CELF2: variants seen among roughly 807,000 people sequenced by gnomAD.
CELF2 encodes CUGBP Elav-like family member 2, also known as CUG triplet repeat RNA-binding protein 2.
In CELF2, 8 loss-of-function variants were observed where a neutral mutation model predicts 62.6. The observed-to-expected ratio is 0.13, with a 90% CI of 0.07 to 0.23. The LOEUF (loss-of-function observed/expected upper bound fraction) is 0.23. CELF2 is among the 10% of genes least tolerant of loss of function. The pLI, the probability that CELF2 is intolerant of heterozygous loss-of-function variation, is 1.00. For missense variants in CELF2, 333 were observed against 671.0 expected (o/e 0.50, Z 5.56); for synonymous variants, 258 against 250.0 (o/e 1.03, Z -0.30).
chr10:10,699,573 A>T, the CELF2 span, among the ~76,000 whole-genome samples: 1 of 152,252 alleles, frequency 6.6e-6, no homozygotes, highest in Non-Finnish European at 1.5e-5. Flanking sequence ...ATTTGCAGTT[A>T]TCTAGGTAGA....
chr10:10,638,384 TTCAC>T, the CELF2 span, among the ~76,000 whole-genome samples: 67,507 of 151,644 alleles, frequency 0.45, 15,466 homozygotes, highest in South Asian at 0.71. Context: ...CATTCATTCA[TTCAC>T]TCATTCATGA....
At chr10:10,652,428 A>G in the CELF2 span, among the ~76,000 whole-genome samples, 1 of 128,356 alleles carries the variant, frequency 7.8e-6, no homozygotes, top group African/African-American at 2.9e-5. Context: ...TGTCAGATTC[A>G]CCAAAGTTGA....
rs999896931 is a variant in CELF2, at chr10:11,302,432, C to A, written c.977-11707C>A. ...AGGGGAGCCCCAGGTGGTGCCGATG[C>A]GGGCGAGGCTGTAACTTTACAGTAA... On this transcript the variant is annotated intron_variant, in intron 9 of 12. Coordinates refer to ENST00000633077, the MANE Select transcript of CELF2 (RefSeq NM_001326342.2). This position sits in a 1 kb window ranked among gnomAD's most constrained non-coding sequence, Gnocchi z 5.0. Among the ~76,000 whole-genome samples the A allele has an allele frequency of 2.0e-5, 3 of 152,056 alleles. No homozygotes were observed. Among genetic ancestry groups the A allele is most frequent in the Admixed American group, 2.0e-4 (3 of 15,280 alleles).
chr10:11,234,581 T>A (rs1015266310), intron 3 of CELF2, among the ~76,000 whole-genome samples: 1 of 116,576 alleles, frequency 8.6e-6, no homozygotes, highest in Non-Finnish European at 1.9e-5. Context: ...AATCGGGAGG[T>A]TGAGGCAGGA....
chr10:10,642,883 G>A, the CELF2 span, among the ~76,000 whole-genome samples: 1 of 152,198 alleles, frequency 6.6e-6, no homozygotes, highest in African/African-American at 2.4e-5. Flanking sequence ...CTGCAGGCCT[G>A]GCCTGCCATC....
the CELF2 span, among the ~76,000 whole-genome samples, chr10:10,710,545 T>A: frequency 3.3e-5 from 5 of 152,342 alleles, no homozygotes; most frequent in South Asian, 1.0e-3. Context: ...GATCTGGTAA[T>A]ATGATTAAGG....
At chr10:11,241,545 C>A (rs967777476) in intron 3 of CELF2, among the ~76,000 whole-genome samples, 7 of 152,184 alleles carry the variant, frequency 4.6e-5, no homozygotes, top group African/African-American at 1.7e-4. Flanking sequence ...CATCTGTATT[C>A]TTTTAGAGAT....
the CELF2 span, among the ~76,000 whole-genome samples, chr10:10,691,205 G>A: frequency 6.7e-6 from 1 of 150,150 alleles, no homozygotes; most frequent in Non-Finnish European, 1.5e-5. Context: ...CCCTTCCTGT[G>A]TCCATGTGAT....
chr10:11,007,524 T>C (rs1228707975), intron 1 of CELF2, among the ~76,000 whole-genome samples: 1 of 152,222 alleles, frequency 6.6e-6, no homozygotes, highest in Non-Finnish European at 1.5e-5. Flanking sequence ...TAATCATATT[T>C]TTTAAGTTAT....
intron 2 of CELF2, among the ~76,000 whole-genome samples, chr10:11,190,603 G>A (rs1435293588): frequency 6.6e-6 from 1 of 150,530 alleles, no homozygotes; most frequent in Non-Finnish European, 1.5e-5. Flanking sequence ...GATTCTCAAA[G>A]GAATTGTTCT....
At chr10:11,043,431 C>T (rs2062197986) in intron 1 of CELF2, among the ~76,000 whole-genome samples, 1 of 152,192 alleles carries the variant, frequency 6.6e-6, no homozygotes, top group South Asian at 2.1e-4. Context: ...CAGTTGGTTT[C>T]TGTGATCTCT....
At chr10:10,690,870 C>G in the CELF2 span, among the ~76,000 whole-genome samples, 1 of 152,104 alleles carries the variant, frequency 6.6e-6, no homozygotes, top group Non-Finnish European at 1.5e-5. Context: ...GACAGTGAAA[C>G]TCTGTCTCGA....
chr10:10,834,059 A>G (rs2058082913), intron 1 of CELF2, among the ~76,000 whole-genome samples: 1 of 152,236 alleles, frequency 6.6e-6, no homozygotes, highest in African/African-American at 2.4e-5. Flanking sequence ...CACGGAATCA[A>G]CCTAAATGTC....
At chr10:11,240,717 C>T (rs1589660422) in intron 3 of CELF2, among the ~76,000 whole-genome samples, 7 of 152,246 alleles carry the variant, frequency 4.6e-5, no homozygotes, top group Admixed American at 2.6e-4. Flanking sequence ...TGTGTATATG[C>T]AAATACACAG....
Position 11,290,167 on chromosome 10 carries a change from C to T in CELF2, c.976+1615C>T, listed in dbSNP as rs549875539. 4.3e-4 allele frequency among the ~76,000 whole-genome samples: 65 copies of T among 152,258 alleles called. No individual in the cohort carries two copies. Among genetic ancestry groups the T allele is most frequent in the African/African-American group, 1.5e-3 (63 of 41,544 alleles). On this transcript the variant is annotated intron_variant, in intron 9 of 12. Coordinates refer to ENST00000633077, the MANE Select transcript of CELF2 (RefSeq NM_001326342.2). This position sits in a 1 kb window ranked among gnomAD's most constrained non-coding sequence, Gnocchi z 4.3. ...TGGTGTGAGCAGGACAGATGTGCTG[C>T]CTACCTTCGGGAGTCCTTCAGTCCT... is the stretch of plus-strand genomic sequence containing the variant.
At chr10:10,656,056 C>A in the CELF2 span, among the ~76,000 whole-genome samples, 1 of 149,986 alleles carries the variant, frequency 6.7e-6, no homozygotes, top group Non-Finnish European at 1.5e-5. Context: ...AAAAAGTGGG[C>A]GAAGGACATG....
chr10:10,763,421 C>T, the CELF2 span, among the ~76,000 whole-genome samples: 1 of 152,006 alleles, frequency 6.6e-6, no homozygotes, highest in Non-Finnish European at 1.5e-5. Context: ...GAGATGGAGG[C>T]CCTCCAAACT....
At chr10:11,101,242 C>T (rs926183780) in intron 1 of CELF2, among the ~76,000 whole-genome samples, 3 of 151,922 alleles carry the variant, frequency 2.0e-5, no homozygotes, top group Non-Finnish European at 2.9e-5. Context: ...TTGAGGCTTC[C>T]GATATGTGGG....
chr10:10,967,918 G>GCACA (rs112085743), intron 2 of CELF2, among the ~76,000 whole-genome samples: 1,567 of 149,410 alleles, frequency 0.01, 23 homozygotes, highest in African/African-American at 0.036. Context: ...ATTAAGGTAA[G>GCACA]CACACACACA....
Sources: gnomAD v4.1 joint callset for allele counts (sites outside exome capture counted in the v4.1 genomes callset) on GRCh38, gnomAD v4.1.1 for gene constraint, Gnocchi (gnomAD v3.1) non-coding constraint, MANE v1.5 for transcripts, NCBI Gene and HGNC (gene_info 2026-07-23, HGNC 2026-07-21) for gene names.